CHRM2: variants seen among roughly 807,000 people sequenced by gnomAD.
The protein encoded by CHRM2 is muscarinic acetylcholine receptor M2.
CHRM2 carries 8 observed loss-of-function variants against 25.0 expected under a neutral mutation model. The observed-to-expected ratio is 0.32, with a 90% confidence interval of 0.19 to 0.58. CHRM2 has a LOEUF of 0.58. Among genes scored for constraint, CHRM2 ranks in the 20% least tolerant of loss-of-function variants. The pLI, the probability that CHRM2 is intolerant of heterozygous loss-of-function variation, is 0.88. For synonymous variants in CHRM2, 202 were observed against 205.7 expected, an observed-to-expected ratio of 0.98 and a Z score of 0.15; for missense variants, 440 against 567.1, an observed-to-expected ratio of 0.78 and a Z score of 2.28.
intron 2 of CHRM2, among the ~76,000 whole-genome samples, chr7:136,877,344 G>A (rs1796089433): frequency 6.6e-6 from 1 of 152,006 alleles, no homozygotes; most frequent in Non-Finnish European, 1.5e-5. Context: ...AGTCCCATTT[G>A]CATACAATAT....
chr7:136,894,665 C>T (rs1427361691), intron 2 of CHRM2, among the ~76,000 whole-genome samples: 1 of 152,150 alleles, frequency 6.6e-6, no homozygotes, highest in Non-Finnish European at 1.5e-5. Context: ...AGCCACCATG[C>T]CCAGCCTCTA....
intron 2 of CHRM2, among the ~76,000 whole-genome samples, chr7:136,958,792 G>A (rs1415997224): frequency 6.6e-6 from 1 of 152,178 alleles, no homozygotes; most frequent in Non-Finnish European, 1.5e-5. Context: ...GGGTAAGGAA[G>A]TGCTGGAGAT....
At chr7:136,926,037 G>A (rs62485236) in intron 2 of CHRM2, among the ~76,000 whole-genome samples, 36,268 of 152,002 alleles carry the variant, frequency 0.24, 5,691 homozygotes, top group Non-Finnish European at 0.35. Flanking sequence ...AGGAGTTTGG[G>A]ACCAGCCTGG....
rs188171999 is a variant in CHRM2, at chr7:136,953,221, A to G, written c.-124-38966A>G. Among the ~76,000 whole-genome samples, 339 of 152,252 alleles carry G rather than the reference A, an allele frequency of 2.2e-3. 7 individuals carry two copies. The highest frequency in any genetic ancestry group is 0.021 in the Admixed American group (326 of 15,280). ...TTTGTTCCACTTTGTATTGTTTCACATCAGTAAAATTAATATACAGTCTGA... is the reference window on the plus strand; with the variant it reads ...TTTGTTCCACTTTGTATTGTTTCACGTCAGTAAAATTAATATACAGTCTGA... On this transcript the variant is annotated intron_variant, in intron 2 of 3. Coordinates refer to ENST00000680005, the MANE Select transcript of CHRM2 (RefSeq NM_001006630.2).
At chr7:136,967,963 A>C (rs1355122913) in intron 2 of CHRM2, among the ~76,000 whole-genome samples, 1 of 152,040 alleles carries the variant, frequency 6.6e-6, no homozygotes, top group Non-Finnish European at 1.5e-5. Flanking sequence ...TCATACACAA[A>C]ACCACACAAT....
intron 2 of CHRM2, among the ~76,000 whole-genome samples, chr7:136,962,946 C>A (rs1801190183): frequency 6.6e-6 from 1 of 152,102 alleles, no homozygotes; most frequent in Non-Finnish European, 1.5e-5. Context: ...AGAACTTACC[C>A]ACTTGTAGGA....
intron 2 of CHRM2, among the ~76,000 whole-genome samples, chr7:136,873,480 T>C (rs1425139288): frequency 6.6e-6 from 1 of 152,238 alleles, no homozygotes; most frequent in African/African-American, 2.4e-5. Flanking sequence ...AAATCTCTTT[T>C]GAATGAGTTA....
intron 2 of CHRM2, among the ~76,000 whole-genome samples, chr7:136,955,372 T>G (rs1005702723): frequency 1.3e-5 from 2 of 152,218 alleles, no homozygotes; most frequent in African/African-American, 4.8e-5. Flanking sequence ...ATTTGTTTAC[T>G]TCCTTGGAAT....
At position 137,016,370 on chromosome 7, in the gene CHRM2, C is replaced by T. The variant is rs958835088; in HGVS notation, c.*104C>T. 8.2e-7 allele frequency: 1 copy of T among 1,225,680 alleles called. No individual in the cohort carries two copies. Among genetic ancestry groups the T allele is most frequent in the Non-Finnish European group, 1.2e-6 (1 of 847,308 alleles). The allele number at this position is 1,225,680 out of a possible 1,614,324, so 75.9% of individuals were successfully genotyped here. On this transcript the variant is annotated 3_prime_UTR_variant, in exon 4 of 4. Coordinates refer to ENST00000680005, the MANE Select transcript of CHRM2 (RefSeq NM_001006630.2). The stretch of plus-strand genomic sequence containing the variant: ...AATCTCTGCCATTGCACTTTATAGT[C>T]TGATTACAAAACGTGCAATTCAGGA...
rs531673674 is a variant in CHRM2, at chr7:136,910,133, T to C, written c.-125+40715T>C. Among the ~76,000 whole-genome samples, 5 of 151,938 alleles carry C rather than the reference T, an allele frequency of 3.3e-5. No homozygotes were observed. In the South Asian group the frequency reaches 8.3e-4, roughly 25 times the overall value. ...AAGAGAGTAAAGACAACATTGTATT[T>C]GGATAATTTAGGCAATTCAAGCAGA... On this transcript the variant is annotated intron_variant, in intron 2 of 3. Transcript: ENST00000680005.
At chr7:136,927,455 A>G (rs1157678528) in intron 2 of CHRM2, among the ~76,000 whole-genome samples, 2 of 151,982 alleles carry the variant, frequency 1.3e-5, no homozygotes, top group Admixed American at 6.6e-5. Context: ...AAATGCTAAC[A>G]TTTGTTTTGG....
chr7:136,943,302 T>C (rs1203753024), intron 2 of CHRM2, among the ~76,000 whole-genome samples: 2 of 152,196 alleles, frequency 1.3e-5, no homozygotes, highest in African/African-American at 4.8e-5. Flanking sequence ...TTTTATTCTG[T>C]GCCTTTAACT....
At chr7:136,966,347 T>C (rs972424823) in intron 2 of CHRM2, among the ~76,000 whole-genome samples, 9 of 152,010 alleles carry the variant, frequency 5.9e-5, no homozygotes, top group Non-Finnish European at 1.2e-4. Flanking sequence ...CAGATGTAAA[T>C]TAATTGTAAT....
chr7:136,945,128 A>C (rs1169271777), intron 2 of CHRM2, among the ~76,000 whole-genome samples: 1 of 151,460 alleles, frequency 6.6e-6, no homozygotes, highest in African/African-American at 2.4e-5. Context: ...TCTGGATATT[A>C]GTCCTTTTTC....
intron 2 of CHRM2, among the ~76,000 whole-genome samples, chr7:136,915,932 G>T (rs749895189): frequency 1.3e-5 from 2 of 151,304 alleles, no homozygotes; most frequent in Non-Finnish European, 3.0e-5. Context: ...CATAAATTAG[G>T]AGCTTATATT....
At chr7:136,889,046 T>TGAA (rs1796587092) in intron 2 of CHRM2, among the ~76,000 whole-genome samples, 1 of 26,794 alleles carries the variant, frequency 3.7e-5, no homozygotes, top group African/African-American at 3.4e-4. Flanking sequence ...AGACTACATC[T>TGAA]CAAAAAAAAA....
intron 2 of CHRM2, among the ~76,000 whole-genome samples, chr7:136,879,891 G>T (rs1796195079): frequency 6.6e-6 from 1 of 151,838 alleles, no homozygotes; most frequent in South Asian, 2.1e-4. Context: ...CAAATAAAAT[G>T]AGATTTTCCT....
intron 2 of CHRM2, chr7:136,898,705 A>G (rs529992665): frequency 6.6e-6 from 1 of 152,192 alleles, no homozygotes; most frequent in East Asian, 1.9e-4. Flanking sequence ...TAAAAGATTT[A>G]CTCAATGTAC....
At chr7:136,936,318 A>C (rs1244005868) in intron 2 of CHRM2, among the ~76,000 whole-genome samples, 2 of 152,156 alleles carry the variant, frequency 1.3e-5, no homozygotes, top group Non-Finnish European at 2.9e-5. Flanking sequence ...TACTCAAATC[A>C]AGACACATGG....
Sources: gnomAD v4.1 joint callset for allele counts (sites outside exome capture counted in the v4.1 genomes callset) on GRCh38, gnomAD v4.1.1 for gene constraint, MANE v1.5 for transcripts, NCBI Gene and HGNC (gene_info 2026-07-23, HGNC 2026-07-21) for gene names.